Variants in BTBD9 observed in about 807,000 individuals in gnomAD.
The protein encoded by BTBD9 is BTB domain containing 9, also known as BTB/POZ domain-containing protein 9.
A neutral mutation model predicts 64.3 loss-of-function variants in BTBD9; 49 were observed. That is an observed-to-expected ratio of 0.76 (90% CI 0.61 to 0.97). The LOEUF is 0.97. Among genes scored for constraint, BTBD9 ranks in the 50% least tolerant of loss-of-function variants. The pLI is 0.00. For missense variants in BTBD9, 598 were observed against 762.1 expected, an observed-to-expected ratio of 0.78 and a Z score of 2.53; for synonymous variants, 260 against 274.7, an observed-to-expected ratio of 0.95 and a Z score of 0.53.
At chr6:38,294,058 G>GT (rs1762069776) in intron 7 of BTBD9, among the ~76,000 whole-genome samples, 2 of 151,644 alleles carry the variant, frequency 1.3e-5, no homozygotes, top group African/African-American at 2.4e-5. Context: ...GCCAACAAAC[G>GT]TATGAAAAAA....
At chr6:38,527,004 G>A (rs12526648) in intron 6 of BTBD9, among the ~76,000 whole-genome samples, 28,173 of 151,872 alleles carry the variant, frequency 0.19, 2,655 homozygotes, top group East Asian at 0.27. Flanking sequence ...GGCTGGGTGC[G>A]GTGGCTCACG....
chr6:38,324,022 G>C (rs1279711605), intron 7 of BTBD9, among the ~76,000 whole-genome samples: 2 of 152,196 alleles, frequency 1.3e-5, no homozygotes, highest in East Asian at 3.9e-4. Context: ...AGGATGGCTT[G>C]AGCCCAGGAG....
chr6:38,598,220 A>G, intron 1 of BTBD9, 99 bp from the exon 2 acceptor site: 1 of 898,164 alleles, frequency 1.1e-6, no homozygotes, highest in East Asian at 2.6e-5. Context: ...TAAAGTGCTT[A>G]GAAAAATTCC....
At chr6:38,403,867 T>C (rs184175559) in intron 6 of BTBD9, among the ~76,000 whole-genome samples, 151 of 152,338 alleles carry the variant, frequency 9.9e-4, no homozygotes, top group Admixed American at 1.8e-3. Flanking sequence ...TAAAATACTG[T>C]ATATTCATAC....
At chr6:38,259,848 C>T (rs935313965) in intron 8 of BTBD9, among the ~76,000 whole-genome samples, 6 of 152,154 alleles carry the variant, frequency 3.9e-5, no homozygotes, top group African/African-American at 1.4e-4. Flanking sequence ...TTTAATACGC[C>T]TGAGTGTTTA....
chr6:38,545,521 T>C (rs1219633456), intron 6 of BTBD9, among the ~76,000 whole-genome samples: 2 of 152,250 alleles, frequency 1.3e-5, no homozygotes, highest in African/African-American at 2.4e-5. Context: ...GGCTCATGCC[T>C]GTAATCCCAG....
At chr6:38,521,335 G>A (rs1773263553) in intron 6 of BTBD9, among the ~76,000 whole-genome samples, 1 of 152,126 alleles carries the variant, frequency 6.6e-6, no homozygotes, top group Non-Finnish European at 1.5e-5. Context: ...TTAAAACAGT[G>A]CTTGAAGCAC....
chr6:38,381,117 G>A (rs1765913837), intron 6 of BTBD9, among the ~76,000 whole-genome samples: 1 of 151,988 alleles, frequency 6.6e-6, no homozygotes, highest in African/African-American at 2.4e-5. Flanking sequence ...TGATAGGGGA[G>A]AAATAGATCA....
intron 4 of BTBD9, among the ~76,000 whole-genome samples, chr6:38,590,034 C>G (rs1356798640): frequency 1.3e-5 from 2 of 152,132 alleles, no homozygotes; most frequent in Admixed American, 1.3e-4. Context: ...TAATGTGTTC[C>G]TATTTCCTAT....
chr6:38,292,912 G>A (rs1034438107), intron 7 of BTBD9, among the ~76,000 whole-genome samples: 1 of 152,076 alleles, frequency 6.6e-6, no homozygotes, highest in Non-Finnish European at 1.5e-5. Flanking sequence ...TGTGATGTTA[G>A]GGTGTCGATT....
chr6:38,389,048 TCTAA>T (rs1766300485), intron 6 of BTBD9, among the ~76,000 whole-genome samples: 1 of 152,234 alleles, frequency 6.6e-6, no homozygotes, highest in South Asian at 2.1e-4. Context: ...TACTAGATCT[TCTAA>T]CTGTCTTTAA....
chr6:38,281,775 C>A (rs1432113846), intron 8 of BTBD9, among the ~76,000 whole-genome samples: 5 of 152,152 alleles, frequency 3.3e-5, no homozygotes, highest in African/African-American at 1.2e-4. Context: ...TTAGCTGCAT[C>A]TATCTAAACA....
intron 8 of BTBD9, among the ~76,000 whole-genome samples, chr6:38,287,959 C>A (rs1191923091): frequency 6.6e-6 from 1 of 152,128 alleles, no homozygotes; most frequent in South Asian, 2.1e-4. Context: ...TATAACCTAT[C>A]TTGACATTAT....
intron 6 of BTBD9, among the ~76,000 whole-genome samples, chr6:38,443,411 C>A (rs569203280): frequency 6.6e-6 from 1 of 152,174 alleles, no homozygotes; most frequent in Non-Finnish European, 1.5e-5. Context: ...CATGTGTTTT[C>A]ATGTTCATTT....
At position 38,339,400 on chromosome 6, in the gene BTBD9, C is replaced by T. The variant is rs149463162; in HGVS notation, c.1264+5584G>A. 1.9e-3 allele frequency among the ~76,000 whole-genome samples: 284 copies of T among 152,182 alleles called. 2 individuals carry two copies. Among genetic ancestry groups the T allele is most frequent in the African/African-American group, 6.7e-3 (278 of 41,534 alleles). On this transcript the variant is annotated intron_variant, in intron 7 of 10. Transcript: ENST00000481247. ...TGGTATGTGCCTACAGTCCTGTTTG[C>T]TACTCAAGAGGATGCCTAGAGCCCA...
At chr6:38,591,858 C>A (rs535897575) in intron 4 of BTBD9, among the ~76,000 whole-genome samples, 6 of 152,078 alleles carry the variant, frequency 3.9e-5, no homozygotes, top group Non-Finnish European at 7.4e-5. Context: ...ATGTATGTTA[C>A]ATAAGTGTTA....
intron 10 of BTBD9, among the ~76,000 whole-genome samples, chr6:38,189,440 T>A (rs924645187): frequency 2.0e-5 from 3 of 152,198 alleles, no homozygotes; most frequent in African/African-American, 7.2e-5. Flanking sequence ...TAAAGAACAT[T>A]CTCTGAGGGT....
intron 5 of BTBD9, among the ~76,000 whole-genome samples, chr6:38,577,957 C>T (rs539163630): frequency 1.3e-5 from 2 of 152,276 alleles, no homozygotes; most frequent in Non-Finnish European, 2.9e-5. Context: ...AGAACAAAGG[C>T]CATCCTGTAC....
intron 1 of BTBD9, among the ~76,000 whole-genome samples, chr6:38,607,416 C>T (rs557253473): frequency 2.0e-5 from 3 of 152,258 alleles, no homozygotes; most frequent in South Asian, 2.1e-4. Context: ...TGTTGCTACA[C>T]GTTGGATAGT....
Sources: gnomAD v4.1 joint callset for allele counts (sites outside exome capture counted in the v4.1 genomes callset) on GRCh38, gnomAD v4.1.1 for gene constraint, MANE v1.5 for transcripts, NCBI Gene and HGNC (gene_info 2026-07-23, HGNC 2026-07-21) for gene names.